Variants in DCDC1 observed in about 807,000 individuals in gnomAD.
DCDC1 encodes the protein doublecortin domain containing 1.
A neutral mutation model predicts 178.3 loss-of-function variants in DCDC1; 200 were observed. The ratio of observed to expected loss-of-function variants is 1.12; its 90% CI spans 1.00 to 1.26. The LOEUF (loss-of-function observed/expected upper bound fraction) is 1.26, where lower values mean the gene tolerates loss of function less well. Ranked by LOEUF, DCDC1 falls within the 50% of genes most tolerant of loss-of-function variation. The pLI, the probability that DCDC1 is intolerant of heterozygous loss-of-function variation, is 0.00. For synonymous variants in DCDC1, 690 were observed against 604.8 expected, an observed-to-expected ratio of 1.14 and a Z score of -2.07; for missense variants, 1,983 against 1,749.2, an observed-to-expected ratio of 1.13 and a Z score of -2.38.
At chr11:30,921,063 A>T (rs1469367589) in intron 24 of DCDC1, 128 bp from the exon 25 acceptor site, 2 of 887,384 alleles carry the variant, frequency 2.3e-6, no homozygotes. Flanking sequence ...TAGGTTACTT[A>T]TTAAACTCAG....
intron 9 of DCDC1, among the ~76,000 whole-genome samples, chr11:31,202,242 A>G (rs564407205): frequency 2.0e-5 from 3 of 152,192 alleles, no homozygotes; most frequent in Admixed American, 1.3e-4. Flanking sequence ...TTCTCTTTTA[A>G]TTTTTTAAAT....
At chr11:31,088,817 C>T (rs1008408906) in intron 17 of DCDC1, among the ~76,000 whole-genome samples, 2 of 152,044 alleles carry the variant, frequency 1.3e-5, no homozygotes, top group African/African-American at 4.8e-5. Flanking sequence ...CCTGCCTCAG[C>T]CTCCCAAGGA....
chr11:31,037,826 C>A (rs1954170130), intron 20 of DCDC1, among the ~76,000 whole-genome samples: 1 of 151,978 alleles, frequency 6.6e-6, no homozygotes, highest in African/African-American at 2.4e-5. Context: ...CTCAGCTAAC[C>A]ATTTCCCACA....
In DCDC1 at chr11:31,319,128, T is replaced by C. The variant is rs1350924166; in HGVS notation, c.164+8989A>G. On this transcript the variant is annotated intron_variant, in intron 3 of 38. Transcript: ENST00000684477. ...GTGGTGTGGTGCTGAAAAAAATGTA[T>C]ATTCTGTTGATTTGGGGTGGAGAGT... Among the ~76,000 whole-genome samples the C allele has an allele frequency of 5.6e-4, 10 of 17,780 alleles. 3 individuals carry two copies. In the East Asian group the frequency reaches 5.7e-3, roughly 10 times the overall value. 11.7% of individuals were successfully genotyped at this position (17,780 alleles called of 152,430 possible).
intron 11 of DCDC1, among the ~76,000 whole-genome samples, chr11:31,115,233 C>A (rs1959702862): frequency 1.3e-5 from 2 of 152,110 alleles, no homozygotes; most frequent in African/African-American, 4.8e-5. Flanking sequence ...CAATGTAGTT[C>A]TTTGATGAGC....
Position 30,894,292 on chromosome 11 carries a change from T to C in DCDC1, c.4858A>G (p.Thr1620Ala). ...VVVEGGWTEQ[T>A]QQEIKLMELI... ...TCCATGAGTTTAATTTCCTGTTGAG[T>C]CTGTTCGGTCCAGCCTCCTTCAACC... The change falls in exon 35 of 39, where the codon ACT (threonine) becomes GCT (alanine). Residue 1620 changes from threonine (T) to alanine (A), a missense_variant. By Grantham distance (58) the Thr-to-Ala change is moderately conservative. Transcript: ENST00000684477. 6.2e-7 allele frequency: 1 copy of C among 1,613,870 alleles called. No individual in the cohort carries two copies. Among genetic ancestry groups the C allele is most frequent in the Non-Finnish European group, 8.5e-7 (1 of 1,179,810 alleles).
chr11:30,889,243 A>G (rs1426519724), intron 36 of DCDC1, among the ~76,000 whole-genome samples: 1 of 152,206 alleles, frequency 6.6e-6, no homozygotes, highest in Non-Finnish European at 1.5e-5. Flanking sequence ...GCCTTGGTGC[A>G]TTGATGACTG....
intron 9 of DCDC1, among the ~76,000 whole-genome samples, chr11:31,186,989 T>C (rs1167067455): frequency 6.6e-6 from 1 of 152,184 alleles, no homozygotes; most frequent in East Asian, 1.9e-4. Flanking sequence ...ATGCACGATT[T>C]TATCTCAGGG....
chr11:30,881,466 T>C (rs1217766983), intron 36 of DCDC1, among the ~76,000 whole-genome samples, 158 bp from the exon 37 acceptor site: 2 of 152,188 alleles, frequency 1.3e-5, no homozygotes, highest in Non-Finnish European at 2.9e-5. Context: ...AAGAAGGGCA[T>C]GCAAATGTTC....
At chr11:31,323,607 T>C (rs1949491756) in intron 3 of DCDC1, among the ~76,000 whole-genome samples, 1 of 152,126 alleles carries the variant, frequency 6.6e-6, no homozygotes, top group Admixed American at 6.5e-5. Flanking sequence ...AGAGTTTTTT[T>C]TTAATATTAT....
intron 1 of DCDC1, among the ~76,000 whole-genome samples, chr11:31,358,388 T>C (rs1442147171): frequency 2.6e-5 from 4 of 151,726 alleles, no homozygotes; most frequent in Non-Finnish European, 4.4e-5. Context: ...TAGCCATATG[T>C]AGAAAGCTGA....
intron 8 of DCDC1, among the ~76,000 whole-genome samples, chr11:31,255,664 T>C (rs1380601979): frequency 6.6e-6 from 1 of 152,220 alleles, no homozygotes; most frequent in East Asian, 1.9e-4. Context: ...TGCCCATTTT[T>C]TAATTGAATT....
intron 34 of DCDC1, among the ~76,000 whole-genome samples, chr11:30,894,773 C>A (rs765891471): frequency 1.8e-4 from 27 of 152,122 alleles, no homozygotes; most frequent in Non-Finnish European, 2.6e-4. Flanking sequence ...TAATAATAAG[C>A]CTTTCCCCCA....
chr11:30,972,925 C>T (rs1230525238), intron 20 of DCDC1, among the ~76,000 whole-genome samples: 2 of 151,918 alleles, frequency 1.3e-5, no homozygotes, highest in Non-Finnish European at 2.9e-5. Context: ...TAAAATCATC[C>T]CCCTGGTGCT....
chr11:31,268,079 A>ACC (rs1053010505), intron 7 of DCDC1, among the ~76,000 whole-genome samples: 18 of 152,254 alleles, frequency 1.2e-4, no homozygotes, highest in African/African-American at 4.3e-4. Context: ...CCTCTTTACA[A>ACC]CCCCACATTA....
chr11:30,906,479 T>C (rs1945071151), intron 30 of DCDC1, 61 bp downstream of exon 30: 3 of 1,507,238 alleles, frequency 2.0e-6, no homozygotes, highest in South Asian at 2.5e-5. Context: ...AGATAATGAA[T>C]GCATCAAAGT....
chr11:31,252,471 T>A (rs1466581390), intron 8 of DCDC1, among the ~76,000 whole-genome samples: 1 of 152,136 alleles, frequency 6.6e-6, no homozygotes, highest in Non-Finnish European at 1.5e-5. Context: ...CAATATAGAT[T>A]AATTATATGA....
intron 18 of DCDC1, among the ~76,000 whole-genome samples, chr11:31,072,801 T>C (rs1956647427): frequency 6.6e-6 from 1 of 152,098 alleles, no homozygotes; most frequent in South Asian, 2.1e-4. Flanking sequence ...CTACAAATTA[T>C]CAATTTGCTG....
At chr11:31,160,579 C>A (rs1403779711) in intron 9 of DCDC1, among the ~76,000 whole-genome samples, 1 of 152,052 alleles carries the variant, frequency 6.6e-6, no homozygotes, top group Non-Finnish European at 1.5e-5. Flanking sequence ...TTCTAGAGGG[C>A]TGTTCTGCTG....
Sources: gnomAD v4.1 joint callset for allele counts (sites outside exome capture counted in the v4.1 genomes callset) on GRCh38, gnomAD v4.1.1 for gene constraint, MANE v1.5 for transcripts, NCBI Gene and HGNC (gene_info 2026-07-23, HGNC 2026-07-21) for gene names.